The following FRYL variants were observed in gnomAD, a reference collection of about 807,000 sequenced individuals.
The protein encoded by FRYL is FRY like transcription coactivator.
In FRYL, 150 loss-of-function variants were observed where a neutral mutation model predicts 351.2. The ratio of observed to expected loss-of-function variants is 0.43; its 90% CI spans 0.37 to 0.49. FRYL has a LOEUF of 0.49. Among genes scored for constraint, FRYL ranks in the 20% least tolerant of loss-of-function variants. The probability of loss-of-function intolerance (pLI) is 0.00; values close to 1 mark genes in which losing one functional copy is unlikely to be tolerated. For synonymous variants in FRYL, 1,153 were observed against 1,257.1 expected (o/e 0.92, Z 1.75); for missense variants, 3,036 against 3,619.3 (o/e 0.84, Z 4.13).
At chr4:48,535,975 G>T in intron 47 of FRYL, 148 bp from the exon 48 acceptor site, 1 of 584,210 alleles carries the variant, frequency 1.7e-6, no homozygotes, top group Non-Finnish European at 2.8e-6. Context: ...AAAGTGAAAC[G>T]AGAAAAAAAG....
At chr4:48,553,128 CAT>C in intron 36 of FRYL, 85 bp downstream of exon 36, 1 of 939,840 alleles carries the variant, frequency 1.1e-6, no homozygotes, top group Non-Finnish European at 1.6e-6. Flanking sequence ...TGTTATGGGA[CAT>C]AGAGACCCTA....
chr4:48,621,567 T>C (rs1312630287), intron 5 of FRYL, among the ~76,000 whole-genome samples: 3 of 152,188 alleles, frequency 2.0e-5, no homozygotes, highest in Admixed American at 1.3e-4. Flanking sequence ...ATTCAACCCA[T>C]TTCTCATAAA....
intron 1 of FRYL, among the ~76,000 whole-genome samples, chr4:48,749,787 G>C (rs1366383802): frequency 6.6e-6 from 1 of 152,070 alleles, no homozygotes; most frequent in Non-Finnish European, 1.5e-5. Context: ...AAGTGAATCT[G>C]ATGTCAAATG....
At chr4:48,561,244 G>A (rs1462424444) in intron 33 of FRYL, among the ~76,000 whole-genome samples, 4 of 152,062 alleles carry the variant, frequency 2.6e-5, no homozygotes, top group Admixed American at 6.6e-5. Context: ...GGGAGCGAAG[G>A]GAAGGTCAGG....
intron 1 of FRYL, among the ~76,000 whole-genome samples, chr4:48,715,692 T>C (rs1350616641): frequency 4.6e-5 from 7 of 152,194 alleles, no homozygotes; most frequent in Non-Finnish European, 8.8e-5. Context: ...AAAATGGCCA[T>C]ACTGCCCAAG....
At chr4:48,678,200 T>C (rs1170661416) in intron 3 of FRYL, among the ~76,000 whole-genome samples, 2 of 152,168 alleles carry the variant, frequency 1.3e-5, no homozygotes, top group African/African-American at 4.8e-5. Context: ...GAGACCATCT[T>C]GGCCAACATG....
chr4:48,741,840 A>T (rs1772115701), intron 1 of FRYL, among the ~76,000 whole-genome samples: 2 of 152,342 alleles, frequency 1.3e-5, no homozygotes, highest in South Asian at 4.1e-4. Flanking sequence ...CTATAGAGAG[A>T]ATTAAAACAT....
At chr4:48,684,157 T>G (rs1250803634) in intron 3 of FRYL, among the ~76,000 whole-genome samples, 2 of 152,166 alleles carry the variant, frequency 1.3e-5, no homozygotes, top group Non-Finnish European at 2.9e-5. Flanking sequence ...TTTCCTTCAT[T>G]CAACAAATAT....
chr4:48,503,842 A>G (rs770890459), intron 60 of FRYL, among the ~76,000 whole-genome samples: 28 of 152,202 alleles, frequency 1.8e-4, no homozygotes, highest in Non-Finnish European at 2.8e-4. Context: ...AGCATATTCC[A>G]TATCTAAATT....
rs200374219 is a variant in FRYL, at chr4:48,621,380, T to C, written c.175-602A>G. Among the ~76,000 whole-genome samples, 8 of 152,318 alleles carry C rather than the reference T, an allele frequency of 5.3e-5. No individual in the cohort carries two copies. The East Asian group carries it at 9.6e-4, about 18-fold the overall frequency. On this transcript the variant is annotated intron_variant, in intron 5 of 63. Coordinates refer to ENST00000358350, the MANE Select transcript of FRYL (RefSeq NM_015030.2). ...TGATAAGTGTACTGTGATGAACAAATGTTACTAAATTTGGGGCATTCTTGA... is the reference window on the plus strand; with the variant it reads ...TGATAAGTGTACTGTGATGAACAAACGTTACTAAATTTGGGGCATTCTTGA...
chr4:48,528,091 A>G, intron 51 of FRYL, 46 bp from the exon 52 acceptor site: 1 of 1,558,438 alleles, frequency 6.4e-7, no homozygotes, highest in Non-Finnish European at 8.7e-7. Context: ...CTGATAAAAT[A>G]AGACAAATTC....
At chr4:48,578,450 C>G (rs6447646) in intron 23 of FRYL, among the ~76,000 whole-genome samples, 143,848 of 152,282 alleles carry the variant, frequency 0.94, 68,063 homozygotes, top group South Asian at 0.98. Flanking sequence ...CAAAAACTAA[C>G]TGAAATTTAT....
At chr4:48,578,076 A>C (rs1740025020) in intron 23 of FRYL, among the ~76,000 whole-genome samples, 1 of 151,860 alleles carries the variant, frequency 6.6e-6, no homozygotes, top group South Asian at 2.1e-4. Context: ...GAACTATATT[A>C]GATACGGATA....
chr4:48,521,175 T>C lies in FRYL; in HGVS notation c.7562A>G (p.His2521Arg). Residue 2521 changes from histidine to arginine, a missense_variant, in exon 55 of 64, where the codon CAT becomes CGT. By Grantham distance (29) the His-to-Arg change is conservative (BLOSUM62 0). Coordinates refer to ENST00000358350, the MANE Select transcript of FRYL (RefSeq NM_015030.2). ...TTCAGACTGGAGAAGTAAGTCAGGATGGTCTGGTATTGTTTCATCAGTGGC... is the reference window on the plus strand; with the variant it reads ...TTCAGACTGGAGAAGTAAGTCAGGACGGTCTGGTATTGTTTCATCAGTGGC... ...DSATDETIPD[H>R]PDLLLQSEDS... The C allele has an allele frequency of 6.2e-7, 1 of 1,612,882 alleles. No individual in the cohort carries two copies. The highest frequency in any genetic ancestry group is 8.5e-7 in the Non-Finnish European group (1 of 1,179,232).
At chr4:48,618,682 T>C (rs1176889118) in intron 7 of FRYL, 1 of 152,028 alleles carries the variant, frequency 6.6e-6, no homozygotes, top group African/African-American at 2.4e-5. Flanking sequence ...CACTATATTA[T>C]ATATTCATAT....
At chr4:48,632,456 G>A (rs1184786709) in intron 4 of FRYL, among the ~76,000 whole-genome samples, 3 of 150,594 alleles carry the variant, frequency 2.0e-5, no homozygotes, top group Non-Finnish European at 4.4e-5. Context: ...ACATTTTGTA[G>A]TTTAAGCATA....
chr4:48,534,454 A>G, intron 49 of FRYL, 91 bp downstream of exon 49: 1 of 980,572 alleles, frequency 1.0e-6, no homozygotes, highest in South Asian at 1.5e-5. Flanking sequence ...CCACTTCCCC[A>G]TTCTTCGACA....
chr4:48,772,679 CAAAAA>C (rs33926702), intron 1 of FRYL, among the ~76,000 whole-genome samples: 1 of 50,266 alleles, frequency 2.0e-5, no homozygotes, highest in Admixed American at 3.2e-4. Context: ...AGAGACCTAC[CAAAAA>C]AAAAAAAAAA....
intron 3 of FRYL, chr4:48,653,825 C>CAGA: frequency 7.8e-7 from 1 of 1,285,972 alleles, no homozygotes; most frequent in Non-Finnish European, 1.0e-6. Flanking sequence ...GCAGCAGCAG[C>CAGA]AGCAGCAGAA....
Sources: allele counts gnomAD v4.1 joint callset (sites outside exome capture counted in the v4.1 genomes callset), GRCh38; gene constraint gnomAD v4.1.1; transcripts MANE v1.5; gene names NCBI Gene and HGNC (gene_info 2026-07-23, HGNC 2026-07-21).